DMD: variants seen among roughly 807,000 people sequenced by gnomAD.
The protein encoded by DMD is dystrophin.
A neutral mutation model predicts 330.1 loss-of-function variants in DMD; 63 were observed. The observed-to-expected ratio is 0.19, with a 90% CI of 0.16 to 0.24. The LOEUF (loss-of-function observed/expected upper bound fraction) is 0.24. Ranked by LOEUF, DMD falls within the 10% of genes least tolerant of loss-of-function variation. DMD has a pLI of 1.00. For synonymous variants in DMD, 1,223 were observed against 959.8 expected (o/e 1.27, Z -5.07); for missense variants, 3,344 against 2,684.1 (o/e 1.25, Z -5.43).
At chrX:32,979,810 C>G (rs983596027) in intron 2 of DMD, among the ~76,000 whole-genome samples, 4 of 111,135 alleles carry the variant, frequency 3.6e-5, no homozygotes, top group Middle Eastern at 4.7e-3. Context: ...AGAAATTTCT[C>G]TGAGGAAGAA....
intron 30 of DMD, among the ~76,000 whole-genome samples, chrX:32,409,423 A>G (rs1036321161): frequency 9.0e-6 from 1 of 111,396 alleles, no homozygotes; most frequent in Non-Finnish European, 1.9e-5. Context: ...TTATTGTAGT[A>G]TTTTTTTAGA....
chrX:32,259,714 C>T (rs941553339), intron 43 of DMD, among the ~76,000 whole-genome samples: 2 of 111,585 alleles, frequency 1.8e-5, no homozygotes, highest in African/African-American at 6.5e-5. Context: ...AATACTCTGG[C>T]TTCGAAGACT....
rs777682531 is a variant in DMD at position 32,628,714 on chromosome X, C to T, written c.1332-14261G>A. 2.1e-4 allele frequency among the ~76,000 whole-genome samples: 23 copies of T among 110,612 alleles called. No homozygotes were observed. The South Asian group carries it at 7.6e-3, about 37-fold the overall frequency. ...CTTCCCATAGGTTTTGGTTACATTGCGTTTCCTTTTTCATTCGTTTCAAGA... is the reference window on the plus strand; with the variant it reads ...CTTCCCATAGGTTTTGGTTACATTGTGTTTCCTTTTTCATTCGTTTCAAGA... On this transcript the variant is annotated intron_variant, in intron 11 of 78. Coordinates refer to ENST00000357033, the MANE Select transcript of DMD (RefSeq NM_004006.3).
intron 16 of DMD, among the ~76,000 whole-genome samples, chrX:32,559,010 G>T (rs1362484035): frequency 1.1e-5 from 1 of 90,799 alleles, no homozygotes; most frequent in African/African-American, 4.5e-5. Flanking sequence ...GAGTGCAGTG[G>T]CATGATCTCG....
intron 21 of DMD, among the ~76,000 whole-genome samples, chrX:32,482,536 T>A (rs1245993176): frequency 1.8e-5 from 2 of 112,059 alleles, no homozygotes; most frequent in South Asian, 7.3e-4. Flanking sequence ...GCCCATTTTC[T>A]TCATATAGTC....
At chrX:32,010,739 G>A (rs1357952568) in intron 44 of DMD, among the ~76,000 whole-genome samples, 1 of 111,633 alleles carries the variant, frequency 9.0e-6, no homozygotes, top group Non-Finnish European at 1.9e-5. Context: ...CATGTGTTTG[G>A]CTATCACTCA....
chrX:31,384,277 G>T (rs775348099), intron 60 of DMD, among the ~76,000 whole-genome samples: 2 of 109,967 alleles, frequency 1.8e-5, no homozygotes, highest in Non-Finnish European at 3.8e-5. Flanking sequence ...TCCAGTTCCC[G>T]CCCGCGAGGG....
chrX:31,219,038 G>A (rs1264576400), intron 64 of DMD, among the ~76,000 whole-genome samples: 3 of 110,974 alleles, frequency 2.7e-5, no homozygotes, highest in African/African-American at 9.9e-5. Flanking sequence ...ACCTGAAACT[G>A]TTCCACCTTC....
At chrX:32,427,951 T>C (rs1285371165) in intron 29 of DMD, among the ~76,000 whole-genome samples, 3 of 111,667 alleles carry the variant, frequency 2.7e-5, no homozygotes, top group South Asian at 3.7e-4. Flanking sequence ...ACTGTAGTTA[T>C]AACATTTTCA....
chrX:33,329,328 GT>G (rs2054136219), intron 1 of DMD, among the ~76,000 whole-genome samples: 1 of 110,705 alleles, frequency 9.0e-6, no homozygotes, highest in Non-Finnish European at 1.9e-5. Flanking sequence ...ATGGTTCTTT[GT>G]TTACCTACCT....
intron 43 of DMD, among the ~76,000 whole-genome samples, chrX:32,263,297 T>A (rs1394257914): frequency 8.9e-6 from 1 of 112,085 alleles, no homozygotes; most frequent in Non-Finnish European, 1.9e-5. Context: ...GCTGATTGCA[T>A]AATAGAATAT....
rs6631614 is a variant in DMD, at chrX:32,616,247, C to G, written c.1332-1794G>C. On this transcript the variant is annotated intron_variant, in intron 11 of 78. Coordinates refer to ENST00000357033, the MANE Select transcript of DMD (RefSeq NM_004006.3). ...TCCACTATAAAGTTACTCTTTCCCC[C>G]TCTTTTCACACTGTTTTTTAATAAG... Among the ~76,000 whole-genome samples the G allele has an allele frequency of 3.8e-3, 422 of 110,884 alleles. 14 individuals are homozygous for G. In the East Asian group the frequency reaches 0.1, roughly 27 times the overall value.
At chrX:33,101,444 G>A (rs185465842) in intron 1 of DMD, among the ~76,000 whole-genome samples, 7 of 111,811 alleles carry the variant, frequency 6.3e-5, no homozygotes, top group Admixed American at 3.8e-4. Flanking sequence ...CCTGGCCAAC[G>A]TATAGTGAAA....
intron 52 of DMD, among the ~76,000 whole-genome samples, chrX:31,683,588 G>T (rs1443747601): frequency 1.8e-5 from 2 of 112,389 alleles, no homozygotes; most frequent in Non-Finnish European, 3.8e-5. Context: ...AAATGCAAGT[G>T]CATTCTCATT....
chrX:31,717,769 T>C (rs2085169988), intron 52 of DMD, among the ~76,000 whole-genome samples: 1 of 112,530 alleles, frequency 8.9e-6, no homozygotes, highest in African/African-American at 3.2e-5. Context: ...TTCCCCTCAT[T>C]CTTATTCTGT....
intron 60 of DMD, among the ~76,000 whole-genome samples, chrX:31,433,943 C>T (rs2149018417): frequency 8.9e-6 from 1 of 111,911 alleles, no homozygotes; most frequent in African/African-American, 3.2e-5. Flanking sequence ...TTTATGCATT[C>T]ATCTATTCAA....
chrX:32,077,677 T>C (rs994571237), intron 44 of DMD, among the ~76,000 whole-genome samples: 2 of 111,475 alleles, frequency 1.8e-5, no homozygotes, highest in African/African-American at 6.5e-5. Context: ...TTTGTATCTA[T>C]TTTCCCACCT....
chrX:32,722,961 T>C (rs1228820990), intron 7 of DMD, among the ~76,000 whole-genome samples: 10 of 110,972 alleles, frequency 9.0e-5, no homozygotes, highest in Non-Finnish European at 1.7e-4. Flanking sequence ...TTTGGTACTA[T>C]GACAAATGGA....
intron 62 of DMD, among the ~76,000 whole-genome samples, chrX:31,289,316 A>AAAAAAAAAAATAAAAAACCAC (rs2053508720): frequency 9.4e-6 from 1 of 106,643 alleles, no homozygotes; most frequent in Admixed American, 1.0e-4. Flanking sequence ...AAAATTTAAC[A>AAAAAAAAAAATAAAAAACCAC]CTCTGATATA....
Sources: allele counts gnomAD v4.1 joint callset (sites outside exome capture counted in the v4.1 genomes callset), GRCh38; gene constraint gnomAD v4.1.1; transcripts MANE v1.5; gene names NCBI Gene and HGNC (gene_info 2026-07-23, HGNC 2026-07-21).